The following FAM161A variants were observed in gnomAD, a reference collection of about 807,000 sequenced individuals.
The protein encoded by FAM161A is protein FAM161A.
In FAM161A, 57 loss-of-function variants were observed where a neutral mutation model predicts 70.9. That is an observed-to-expected ratio of 0.80 (90% CI 0.65 to 1.00). FAM161A has a LOEUF of 1.00. Among genes scored for constraint, FAM161A ranks in the 50% least tolerant of loss-of-function variants. FAM161A has a pLI of 0.00. For missense variants in FAM161A, 880 were observed against 836.0 expected (o/e 1.05, Z -0.65); for synonymous variants, 299 against 295.7 (o/e 1.01, Z -0.12).
the FAM161A span, among the ~76,000 whole-genome samples, chr2:61,804,814 G>GAAAGAA: frequency 1.4e-5 from 2 of 142,728 alleles, no homozygotes; most frequent in Admixed American, 7.0e-5. Context: ...AAGAAAGAAA[G>GAAAGAA]AAAGAGAAAG....
chr2:61,815,498 C>T, the FAM161A span, among the ~76,000 whole-genome samples: 1 of 131,510 alleles, frequency 7.6e-6, no homozygotes, highest in African/African-American at 2.8e-5. Flanking sequence ...CTGCTGTTTA[C>T]TAGAAAAATC....
chr2:61,849,511 A>T (rs1164512021), intron 1 of FAM161A, among the ~76,000 whole-genome samples: 1 of 151,998 alleles, frequency 6.6e-6, no homozygotes, highest in Non-Finnish European at 1.5e-5. Flanking sequence ...TTAGGCCAGG[A>T]TGGTGGCTCA....
At chr2:61,840,605 T>C in intron 2 of FAM161A, 24 bp from the exon 3 acceptor site, 1 of 1,497,574 alleles carries the variant, frequency 6.7e-7, no homozygotes, top group South Asian at 1.1e-5. Flanking sequence ...ATAACTATGT[T>C]ATACTTTCAG....
At chr2:61,809,467 C>T in the FAM161A span, among the ~76,000 whole-genome samples, 1 of 152,192 alleles carries the variant, frequency 6.6e-6, no homozygotes, top group African/African-American at 2.4e-5. Flanking sequence ...ACTGCCAGTT[C>T]AAAGTCTCCA....
chr2:61,822,509 A>G (rs1672223329), downstream of FAM161A, among the ~76,000 whole-genome samples: 3 of 152,170 alleles, frequency 2.0e-5, no homozygotes, highest in Admixed American at 6.5e-5. Context: ...AACCACTAAA[A>G]CACACATATA....
intron 4 of FAM161A, among the ~76,000 whole-genome samples, chr2:61,837,317 T>C (rs1028970222): frequency 6.6e-6 from 1 of 152,322 alleles, no homozygotes. Flanking sequence ...ACCGTAAGTG[T>C]TCTCACTGTT....
the FAM161A span, among the ~76,000 whole-genome samples, chr2:61,803,943 A>G: frequency 2.0e-5 from 3 of 152,250 alleles, no homozygotes; most frequent in African/African-American, 7.2e-5. Flanking sequence ...GAAAGAATTC[A>G]GGGCAAGTCT....
chr2:61,847,785 A>G (rs1049560526), intron 1 of FAM161A, among the ~76,000 whole-genome samples: 1 of 152,082 alleles, frequency 6.6e-6, no homozygotes, highest in Non-Finnish European at 1.5e-5. Context: ...AACAAAACAA[A>G]ACAAAAAGAA....
chr2:61,836,077 T>G lies in FAM161A; in HGVS notation c.1784A>C (p.Gln595Pro), dbSNP rs375742156. ...TTCTTCTCTTTCTTCTAGTTCTCGT[T>G]GGTATTCTCTCATCCTTTCCTTTTC... Reference protein sequence around the residue: ...KSEKERMREYQRELEEREEKL... With the variant: ...KSEKERMREYPRELEEREEKL... The change falls in exon 5 of 7, where the codon CAA becomes CCA. Residue 595 changes from glutamine to proline, a missense_variant. Gln to Pro is a moderately conservative substitution (Grantham distance 76). Coordinates refer to ENST00000404929, the MANE Select transcript of FAM161A (RefSeq NM_001201543.2). 1 of 1,611,112 alleles carries G rather than the reference T, an allele frequency of 6.2e-7. No homozygotes were observed. Among genetic ancestry groups the G allele is most frequent in the South Asian group, 1.1e-5 (1 of 90,150 alleles).
the FAM161A span, among the ~76,000 whole-genome samples, chr2:61,813,950 C>T: frequency 2.0e-5 from 3 of 152,014 alleles, no homozygotes; most frequent in African/African-American, 7.2e-5. Context: ...CAATTATGAC[C>T]GAACCCTGAG....
At chr2:61,819,645 G>C in the FAM161A span, among the ~76,000 whole-genome samples, 1 of 152,048 alleles carries the variant, frequency 6.6e-6, no homozygotes, top group South Asian at 2.1e-4. Context: ...GACTTTGTCA[G>C]GCTTCCTCCT....
At chr2:61,836,470 T>C (rs1216770832) in intron 4 of FAM161A, 6 of 166,976 alleles carry the variant, frequency 3.6e-5, no homozygotes, top group Non-Finnish European at 7.7e-5. Context: ...TATAAGTGTA[T>C]AAAACCAAGA....
the FAM161A span, among the ~76,000 whole-genome samples, chr2:61,819,415 A>G: frequency 6.6e-6 from 1 of 152,188 alleles, no homozygotes; most frequent in African/African-American, 2.4e-5. Context: ...GTGAGCCATG[A>G]TCCCGCTGCT....
At chr2:61,852,569 G>C (rs1430515044) in intron 1 of FAM161A, among the ~76,000 whole-genome samples, 1 of 152,206 alleles carries the variant, frequency 6.6e-6, no homozygotes, top group Admixed American at 6.5e-5. Context: ...TCCTAATACA[G>C]AACTCTTCAA....
At chr2:61,823,067 G>C (rs1422855663), downstream of FAM161A, among the ~76,000 whole-genome samples, 2 of 150,508 alleles carry the variant, frequency 1.3e-5, no homozygotes, top group South Asian at 4.3e-4. Flanking sequence ...AATTGCGGTG[G>C]CTCATGCCTG....
At chr2:61,850,352 C>T (rs1165209984) in intron 1 of FAM161A, among the ~76,000 whole-genome samples, 2 of 151,868 alleles carry the variant, frequency 1.3e-5, no homozygotes, top group African/African-American at 2.4e-5. Context: ...GCCAAGATCA[C>T]GCCACTGCAC....
rs542118733 is a variant in FAM161A, at chr2:61,849,559, C to A, written c.183+4300G>T. ...CAGCACTTTGGGAGGTCAAGGCTGG[C>A]GAATCACTTGAGGTCAGGAGTTCAA... On this transcript the variant is annotated intron_variant, in intron 1 of 6. Coordinates refer to ENST00000404929, the MANE Select transcript of FAM161A (RefSeq NM_001201543.2). Among the ~76,000 whole-genome samples, 51 of 151,912 alleles carry A rather than the reference C, an allele frequency of 3.4e-4. 1 individual carries two copies. The South Asian group carries it at 4.2e-3, about 12-fold the overall frequency.
At chr2:61,836,134 AT>A (rs1482403910) in intron 4 of FAM161A, 25 bp from the exon 5 acceptor site, 1 of 1,487,890 alleles carries the variant, frequency 6.7e-7, no homozygotes. Context: ...AAGCAATGGA[AT>A]TTTAAAAGAT....
chr2:61,851,866 G>A (rs1032356111), intron 1 of FAM161A, among the ~76,000 whole-genome samples: 1 of 152,294 alleles, frequency 6.6e-6, no homozygotes, highest in South Asian at 2.1e-4. Context: ...CCAAAGAGCT[G>A]AAAGAGGCCT....
Sources: allele counts gnomAD v4.1 joint callset (sites outside exome capture counted in the v4.1 genomes callset), GRCh38; gene constraint gnomAD v4.1.1; transcripts MANE v1.5; gene names NCBI Gene and HGNC (gene_info 2026-07-23, HGNC 2026-07-21).